Variants in PTGER3 observed in about 807,000 individuals in gnomAD.
PTGER3 encodes prostaglandin E2 receptor EP3 subtype.
In PTGER3, 22 loss-of-function variants were observed where a neutral mutation model predicts 34.7. That is an observed-to-expected ratio of 0.63 (90% CI 0.45 to 0.91). The LOEUF is 0.91. PTGER3 is among the 40% of genes least tolerant of loss of function. The pLI is 0.00. For synonymous variants in PTGER3, 241 were observed against 230.1 expected, an observed-to-expected ratio of 1.05 and a Z score of -0.43; for missense variants, 468 against 519.4, an observed-to-expected ratio of 0.90 and a Z score of 0.96.
At chr1:70,969,446 G>C (rs1283216531), downstream of PTGER3, among the ~76,000 whole-genome samples, 1 of 152,088 alleles carries the variant, frequency 6.6e-6, no homozygotes, top group Non-Finnish European at 1.5e-5. Context: ...CTAGTGCCAA[G>C]AGACCTGTGG....
At chr1:70,873,001 G>A (rs2100551006) in intron 4 of PTGER3, among the ~76,000 whole-genome samples, 1 of 152,178 alleles carries the variant, frequency 6.6e-6, no homozygotes, top group South Asian at 2.1e-4. Context: ...TGGTTCAGGA[G>A]GCATAGCTCC....
intron 2 of PTGER3, chr1:71,006,198 C>T (rs1656945548): frequency 1.4e-5 from 14 of 985,316 alleles, no homozygotes; most frequent in Non-Finnish European, 1.6e-5. Flanking sequence ...ATTGTAGAGA[C>T]AATAAGATCT....
intron 4 of PTGER3, among the ~76,000 whole-genome samples, chr1:70,930,425 C>T (rs1348663535): frequency 6.6e-6 from 1 of 152,208 alleles, no homozygotes; most frequent in Non-Finnish European, 1.5e-5. Context: ...CCAGGTCTCA[C>T]TCTCCATCTC....
intron 2 of PTGER3, chr1:70,953,834 G>T: frequency 1.1e-6 from 1 of 949,708 alleles, no homozygotes; most frequent in Non-Finnish European, 1.5e-6. Context: ...AATTTAATAT[G>T]CAAAGTTCCT....
rs1001705762 is a variant in PTGER3, at chr1:71,034,262, A to G, written c.897+12419T>C. ...TAAAGTTTTTAAACCTAATATTTTA[A>G]TCTAACATTTTTATCGCTAAATTTT... is the stretch of plus-strand genomic sequence containing the variant. On this transcript the variant is annotated intron_variant, in intron 1 of 3. Coordinates refer to ENST00000306666, the MANE Select transcript of PTGER3 (RefSeq NM_198719.2). Among the ~76,000 whole-genome samples the G allele has an allele frequency of 2.6e-5, 4 of 152,302 alleles. No individual in the cohort carries two copies. The East Asian group carries it at 7.7e-4, about 29-fold the overall frequency.
At chr1:70,991,228 A>G (rs577016295) in intron 2 of PTGER3, among the ~76,000 whole-genome samples, 1 of 152,284 alleles carries the variant, frequency 6.6e-6, no homozygotes, top group Non-Finnish European at 1.5e-5. Context: ...TGACAGTCCA[A>G]GGAAACATGG....
intron 2 of PTGER3, among the ~76,000 whole-genome samples, chr1:70,963,055 GC>G (rs1284563211): frequency 6.6e-6 from 1 of 152,120 alleles, no homozygotes; most frequent in Non-Finnish European, 1.5e-5. Flanking sequence ...GGGGATGCAG[GC>G]CCCACCCAAT....
chr1:71,017,880 T>C (rs1658052216), intron 1 of PTGER3, among the ~76,000 whole-genome samples: 1 of 152,210 alleles, frequency 6.6e-6, no homozygotes, highest in African/African-American at 2.4e-5. Context: ...TTCTTGTGCC[T>C]CAGACTCCCA....
intron 4 of PTGER3, among the ~76,000 whole-genome samples, chr1:70,874,680 C>G (rs188367093): frequency 6.6e-6 from 1 of 152,050 alleles, no homozygotes; most frequent in African/African-American, 2.4e-5. Context: ...CTGTCTCTGT[C>G]TCTCTCTCTG....
intron 2 of PTGER3, chr1:71,006,090 A>C (rs142333668): frequency 1.2e-6 from 1 of 862,700 alleles, no homozygotes; most frequent in East Asian, 1.2e-4. Context: ...ACAGGAGTAT[A>C]GAACACTGGA....
chr1:70,963,543 G>T (rs143777497), intron 2 of PTGER3, among the ~76,000 whole-genome samples: 2 of 152,182 alleles, frequency 1.3e-5, no homozygotes, highest in Non-Finnish European at 2.9e-5. Flanking sequence ...GCCCAACACC[G>T]TGTGGAAGCT....
chr1:70,919,310 A>G (rs894267608), intron 4 of PTGER3, among the ~76,000 whole-genome samples: 3 of 152,084 alleles, frequency 2.0e-5, no homozygotes, highest in African/African-American at 7.2e-5. Context: ...CTCTCTGTAT[A>G]TTTAGATGGA....
At chr1:70,949,080 G>T (rs1036178854), downstream of PTGER3, among the ~76,000 whole-genome samples, 2 of 151,894 alleles carry the variant, frequency 1.3e-5, no homozygotes, top group Admixed American at 6.6e-5. Flanking sequence ...GTGGGGTAAA[G>T]GAGTGTTGGG....
intron 2 of PTGER3, chr1:71,010,917 A>G: frequency 2.0e-6 from 2 of 985,194 alleles, no homozygotes; most frequent in Non-Finnish European, 2.4e-6. Context: ...CAGTTACTAC[A>G]AGAAGTATAA....
At chr1:70,852,941 T>A in intron 4 of PTGER3, 1 of 1,448,800 alleles carries the variant, frequency 6.9e-7, no homozygotes, top group Non-Finnish European at 9.7e-7. Context: ...GGCAATAAAT[T>A]CTCATAAATT....
intron 4 of PTGER3, among the ~76,000 whole-genome samples, chr1:70,894,734 C>T (rs1646690560): frequency 6.6e-6 from 1 of 152,156 alleles, no homozygotes; most frequent in African/African-American, 2.4e-5. Context: ...CTCATCCCAC[C>T]CTATCTCCAG....
At chr1:70,896,724 A>G (rs1291408651) in intron 4 of PTGER3, among the ~76,000 whole-genome samples, 1 of 152,196 alleles carries the variant, frequency 6.6e-6, no homozygotes, top group Non-Finnish European at 1.5e-5. Context: ...GCAAGGTCCC[A>G]TCCAACCCTA....
intron 4 of PTGER3, among the ~76,000 whole-genome samples, chr1:70,925,708 A>T (rs936844570): frequency 1.3e-5 from 2 of 152,184 alleles, no homozygotes; most frequent in African/African-American, 4.8e-5. Context: ...TACATGAAAA[A>T]TAAGGAAAGT....
At chr1:70,892,658 T>C (rs896895627) in intron 4 of PTGER3, among the ~76,000 whole-genome samples, 4 of 151,918 alleles carry the variant, frequency 2.6e-5, no homozygotes, top group Non-Finnish European at 5.9e-5. Context: ...CTGGCCAACA[T>C]GGTGAAACCC....
Sources: allele counts gnomAD v4.1 joint callset (sites outside exome capture counted in the v4.1 genomes callset), GRCh38; gene constraint gnomAD v4.1.1; transcripts MANE v1.5; gene names NCBI Gene and HGNC (gene_info 2026-07-23, HGNC 2026-07-21).